Variants in SLC7A14 observed in about 807,000 individuals in gnomAD.
SLC7A14 encodes solute carrier family 7 member 14.
Under a neutral mutation model 60.2 loss-of-function variants are expected in SLC7A14, and 37 were observed. The ratio of observed to expected loss-of-function variants is 0.61; its 90% confidence interval spans 0.47 to 0.81. SLC7A14 has a LOEUF of 0.81. Ranked by LOEUF, SLC7A14 falls within the 30% of genes least tolerant of loss-of-function variation. The pLI, the probability that SLC7A14 is intolerant of heterozygous loss-of-function variation, is 0.00. For missense variants in SLC7A14, 886 were observed against 982.7 expected, an observed-to-expected ratio of 0.90 and a Z score of 1.32; for synonymous variants, 399 against 395.8, an observed-to-expected ratio of 1.01 and a Z score of -0.10.
rs149510381 is a variant in SLC7A14, at chr3:170,526,838, C to A, written c.99G>T (p.Glu33Asp). The A allele has an allele frequency of 4.0e-4, 642 of 1,614,180 alleles. 5 individuals carry two copies. Among genetic ancestry groups the A allele is most frequent in the Non-Finnish European group, 6.9e-5 (81 of 1,180,024 alleles). Residue 33 changes from glutamate (E) to aspartate (D), a missense_variant, in exon 2 of 8, where the codon GAG (glutamate) becomes GAT (aspartate). Glu to Asp is a conservative substitution (Grantham distance 45). Transcript: ENST00000231706. Reference sequence around the variant, plus strand: ...TGGTCCCAGTTCCCTCTAGCATGGACTCCACTGGTTTGGTGCGTAGGATCC... The same window carrying A: ...TGGTCCCAGTTCCCTCTAGCATGGAATCCACTGGTTTGGTGCGTAGGATCC... ...HSRILRTKPVESMLEGTGTTT... is the reference protein window; with the variant it reads ...HSRILRTKPVDSMLEGTGTTT...
At chr3:170,467,954 G>C (rs1739768745) in intron 7 of SLC7A14, among the ~76,000 whole-genome samples, 1 of 152,288 alleles carries the variant, frequency 6.6e-6, no homozygotes, top group East Asian at 1.9e-4. Flanking sequence ...ACTCACTAAA[G>C]GCGTGATATA....
intron 1 of SLC7A14, among the ~76,000 whole-genome samples, chr3:170,578,050 C>T (rs1715143862): frequency 6.6e-6 from 1 of 152,196 alleles, no homozygotes; most frequent in Admixed American, 6.5e-5. Context: ...TACACTGAGT[C>T]AAAAACCTAA....
chr3:170,498,061 A>G (rs913952145), intron 4 of SLC7A14, among the ~76,000 whole-genome samples: 11 of 152,074 alleles, frequency 7.2e-5, no homozygotes, highest in African/African-American at 2.7e-4. Context: ...AAAAACTGTT[A>G]TTTTCCTAGT....
chr3:170,578,100 G>A (rs1715144851), intron 1 of SLC7A14, among the ~76,000 whole-genome samples: 1 of 152,214 alleles, frequency 6.6e-6, no homozygotes, highest in Non-Finnish European at 1.5e-5. Flanking sequence ...GTAAAGATGT[G>A]GTGGGCTGAC....
intron 4 of SLC7A14, among the ~76,000 whole-genome samples, chr3:170,490,907 A>G (rs1284236682): frequency 6.6e-6 from 1 of 152,220 alleles, no homozygotes; most frequent in African/African-American, 2.4e-5. Context: ...CTCAGTAAAT[A>G]TTAGCTCTTA....
chr3:170,502,183 T>C (rs71306671), intron 2 of SLC7A14, among the ~76,000 whole-genome samples: 16,729 of 150,598 alleles, frequency 0.11, 1,520 homozygotes, highest in African/African-American at 0.25. Context: ...TGGAGGGGAG[T>C]GTGCACTGAG....
intron 4 of SLC7A14, chr3:170,495,625 G>T (rs932179119): frequency 1.8e-5 from 14 of 794,080 alleles, no homozygotes; most frequent in Non-Finnish European, 1.8e-5. Flanking sequence ...GGCATAGGAG[G>T]CATCACCACT....
chr3:170,476,309 A>C (rs951762074), intron 7 of SLC7A14, among the ~76,000 whole-genome samples: 2 of 152,230 alleles, frequency 1.3e-5, no homozygotes, highest in Admixed American at 1.3e-4. Context: ...TTCAAAAATC[A>C]TGATACTAAA....
chr3:170,484,258 G>C (rs901239567), intron 5 of SLC7A14, among the ~76,000 whole-genome samples: 2 of 152,212 alleles, frequency 1.3e-5, no homozygotes, highest in Non-Finnish European at 2.9e-5. Context: ...GGAGATGCGA[G>C]GGAGGAGCAG....
chr3:170,474,792 C>T lies in SLC7A14; in HGVS notation c.1993+5497G>A, dbSNP rs182471116. Among the ~76,000 whole-genome samples the T allele has an allele frequency of 2.8e-4, 42 of 152,250 alleles. 1 individual carries two copies. In the East Asian group the frequency reaches 3.5e-3, roughly 13 times the overall value. ...GATAGGATTCATGAGGTCCATTGCC[C>T]GTATCACAAGTCCTGTCCTCTAAAT... On this transcript the variant is annotated intron_variant, in intron 7 of 7. Transcript: ENST00000231706.
At chr3:170,469,500 TG>T (rs1403550218) in intron 7 of SLC7A14, among the ~76,000 whole-genome samples, 1 of 151,566 alleles carries the variant, frequency 6.6e-6, no homozygotes, top group East Asian at 1.9e-4. Context: ...TTTCTGTAGG[TG>T]GGGGGTGGCT....
At position 170,486,088 on chromosome 3, in the gene SLC7A14, A is replaced by C. The variant is rs547015082; in HGVS notation, c.906+134T>G. The C allele has an allele frequency of 3.6e-6, 4 of 1,114,694 alleles. No homozygotes were observed. The African/African-American group carries it at 4.8e-5, about 13-fold the overall frequency. 69.1% of individuals were successfully genotyped at this position (1,114,694 alleles called of 1,614,324 possible). A position where few individuals can be genotyped will look rare whatever the true frequency, so the allele number is the denominator to read the frequency against. On this transcript the variant is annotated intron_variant, in intron 5 of 7. Coordinates refer to ENST00000231706, the MANE Select transcript of SLC7A14 (RefSeq NM_020949.3). ...TCCTAATTTTTTTCTTGTCATGGGGAGTGGGGAATGGGGCTACAGGGGACA... is the reference window on the plus strand; with the variant it reads ...TCCTAATTTTTTTCTTGTCATGGGGCGTGGGGAATGGGGCTACAGGGGACA...
chr3:170,481,298 C>T (rs1297491612), intron 6 of SLC7A14, 132 bp from the exon 7 acceptor site: 1 of 896,814 alleles, frequency 1.1e-6, no homozygotes, highest in Admixed American at 3.1e-5. Flanking sequence ...CACCAATTTA[C>T]TTCTGCATTC....
chr3:170,518,649 A>T (rs1713243677), intron 2 of SLC7A14, among the ~76,000 whole-genome samples: 1 of 152,212 alleles, frequency 6.6e-6, no homozygotes, highest in South Asian at 2.1e-4. Context: ...CTCCTTTGAG[A>T]ACCTTCTTTG....
At chr3:170,581,689 T>A (rs987810711) in intron 1 of SLC7A14, among the ~76,000 whole-genome samples, 2 of 152,178 alleles carry the variant, frequency 1.3e-5, no homozygotes, top group African/African-American at 4.8e-5. Context: ...CTATATAAAA[T>A]AATAAACCAT....
intron 4 of SLC7A14, among the ~76,000 whole-genome samples, chr3:170,491,095 C>T (rs757700696): frequency 1.3e-5 from 2 of 152,156 alleles, no homozygotes; most frequent in Admixed American, 6.6e-5. Flanking sequence ...GGGATATAGT[C>T]ATGAGCAAGT....
chr3:170,514,194 T>G (rs1013720338), intron 2 of SLC7A14, among the ~76,000 whole-genome samples: 1 of 152,306 alleles, frequency 6.6e-6, no homozygotes, highest in Admixed American at 6.5e-5. Flanking sequence ...GGCCAGAGTG[T>G]TCAAAGTAGA....
chr3:170,489,978 G>C (rs1388437340), intron 4 of SLC7A14, among the ~76,000 whole-genome samples: 1 of 151,896 alleles, frequency 6.6e-6, no homozygotes, highest in Admixed American at 6.6e-5. Context: ...GGGAGGTGGG[G>C]ATGGTTAATG....
At chr3:170,536,521 C>T (rs1713847636) in intron 1 of SLC7A14, among the ~76,000 whole-genome samples, 1 of 152,138 alleles carries the variant, frequency 6.6e-6, no homozygotes, top group African/African-American at 2.4e-5. Flanking sequence ...CTGATGGGCC[C>T]ATAGGTCATT....
Sources: allele counts gnomAD v4.1 joint callset (sites outside exome capture counted in the v4.1 genomes callset), GRCh38; gene constraint gnomAD v4.1.1; transcripts MANE v1.5; gene names NCBI Gene and HGNC (gene_info 2026-07-23, HGNC 2026-07-21).